Variants in PEPD observed in about 807,000 individuals in gnomAD.
PEPD encodes xaa-Pro dipeptidase.
PEPD carries 53 observed loss-of-function variants against 60.7 expected under a neutral mutation model. The observed-to-expected ratio is 0.87, with a 90% CI of 0.70 to 1.10. The LOEUF is 1.10. PEPD is among the 50% of genes least tolerant of loss of function. The pLI is 0.00. For synonymous variants in PEPD, 267 were observed against 284.1 expected (o/e 0.94, Z 0.60); for missense variants, 711 against 711.9 (o/e 1.00, Z 0.01).
chr19:33,442,536 T>TA lies in PEPD; in HGVS notation c.671+20458dup, dbSNP rs770070278. On this transcript the variant is annotated intron_variant, in intron 9 of 14. Transcript: ENST00000244137. The stretch of plus-strand genomic sequence containing the variant: ...TAACACAGTGAAAACCCATCTCTAC[T>TA]AAAAATAAAATAAAAAAAAAAAATT... Among the ~76,000 whole-genome samples, 271 of 116,654 alleles carry TA rather than the reference T, an allele frequency of 2.3e-3. 2 individuals carry two copies. The highest frequency in any genetic ancestry group is 0.011 in the Middle Eastern group (2 of 178). 76.5% of individuals were successfully genotyped at this position (116,654 alleles called of 152,430 possible).
In PEPD at chr19:33,394,419, G is replaced by A. The variant is rs187344544; in HGVS notation, c.968-2940C>T. 1.2e-4 allele frequency among the ~76,000 whole-genome samples: 19 copies of A among 152,354 alleles called. No homozygotes were observed. The East Asian group carries it at 2.1e-3, about 17-fold the overall frequency. ...CCGGCCCGGGGGTCCCCTTGGCGCC[G>A]CTGGTCTTCCTTGCCTGTGCACCCT... On this transcript the variant is annotated intron_variant, in intron 12 of 14. Transcript: ENST00000244137.
chr19:33,507,907 G>A (rs1236391199), intron 3 of PEPD, among the ~76,000 whole-genome samples: 1 of 152,112 alleles, frequency 6.6e-6, no homozygotes, highest in African/African-American at 2.4e-5. Flanking sequence ...GCTGTGGTAG[G>A]GAGCCAGGAC....
At chr19:33,410,710 G>A (rs1968744815) in intron 11 of PEPD, among the ~76,000 whole-genome samples, 1 of 152,210 alleles carries the variant, frequency 6.6e-6, no homozygotes, top group Non-Finnish European at 1.5e-5. Context: ...TTGTTCGGGT[G>A]CATCTGCCAT....
Position 33,387,267 on chromosome 19 carries a change from G to A in PEPD, c.*77C>T. ...GGGTGCCGTCTCTCGCTACTGGAGT[G>A]CTGACCAGCAGGCTGCCCATCACGA... is the stretch of plus-strand genomic sequence containing the variant. On this transcript the variant is annotated 3_prime_UTR_variant, in exon 15 of 15. Transcript: ENST00000244137. 6.4e-7 allele frequency: 1 copy of A among 1,561,938 alleles called. No homozygotes were observed. The highest frequency in any genetic ancestry group is 8.8e-7 in the Non-Finnish European group (1 of 1,139,138).
chr19:33,468,846 A>C (rs545585211), intron 7 of PEPD, among the ~76,000 whole-genome samples: 3 of 152,314 alleles, frequency 2.0e-5, no homozygotes, highest in Admixed American at 6.5e-5. Context: ...ATCATCATGA[A>C]GGTGTCTCTG....
chr19:33,401,338 C>T (rs971977386), intron 12 of PEPD, among the ~76,000 whole-genome samples: 25 of 152,356 alleles, frequency 1.6e-4, no homozygotes, highest in African/African-American at 5.5e-4. Flanking sequence ...GAGCGCTGAG[C>T]GGCACGTGAA....
intron 12 of PEPD, chr19:33,395,148 G>A (rs117160138): frequency 0.023 from 3,580 of 152,518 alleles, 67 homozygotes; most frequent in South Asian, 0.058. Context: ...CTCCAAGCCC[G>A]TTTTCCCAGA....
At chr19:33,437,114 G>A (rs1204963996) in intron 9 of PEPD, among the ~76,000 whole-genome samples, 4 of 152,104 alleles carry the variant, frequency 2.6e-5, no homozygotes, top group Admixed American at 6.6e-5. Flanking sequence ...CTGAGAACAC[G>A]GCCCAGGAGC....
intron 7 of PEPD, among the ~76,000 whole-genome samples, chr19:33,474,655 G>C (rs1483807269): frequency 6.6e-6 from 1 of 152,094 alleles, no homozygotes; most frequent in Admixed American, 6.5e-5. Context: ...TTGTACTCCA[G>C]CCTGGGTGAC....
chr19:33,431,590 G>C (rs1031118184), intron 9 of PEPD, among the ~76,000 whole-genome samples: 1 of 152,200 alleles, frequency 6.6e-6, no homozygotes, highest in East Asian at 1.9e-4. Flanking sequence ...CATCCTCGGA[G>C]ACACTCCCCT....
chr19:33,410,029 G>A (rs113941720), intron 11 of PEPD, among the ~76,000 whole-genome samples: 1 of 152,252 alleles, frequency 6.6e-6, no homozygotes, highest in Non-Finnish European at 1.5e-5. Flanking sequence ...GGCTACGCAG[G>A]GGGGACTGGG....
At chr19:33,422,835 T>TATCTATCTATCTATCTATCTATCC (rs748895413) in intron 9 of PEPD, among the ~76,000 whole-genome samples, 4 of 146,044 alleles carry the variant, frequency 2.7e-5, no homozygotes, top group South Asian at 2.1e-4. Flanking sequence ...TCTATCTATC[T>TATCTATCTATCTATCTATCTATCC]ATCCATCTAT....
chr19:33,391,861 C>T (rs1968229984), intron 12 of PEPD, among the ~76,000 whole-genome samples: 1 of 152,232 alleles, frequency 6.6e-6, no homozygotes. Context: ...GAGAAACATG[C>T]ACGTCTCCCC....
At position 33,387,361 on chromosome 19, in the gene PEPD, AG is replaced by A; in HGVS notation, c.1464del (p.Phe489SerfsTer49). The A allele has an allele frequency of 6.2e-7, 1 of 1,613,994 alleles. No homozygotes were observed. The highest frequency in any genetic ancestry group is 8.5e-7 in the Non-Finnish European group (1 of 1,180,038). On this transcript the variant is annotated frameshift_variant, in exon 15 of 15. Transcript: ENST00000244137. LOFTEE classifies it high-confidence loss of function. ...CMAGCDKAFT[P>X]FSGPK is the part of the protein sequence containing the mutation. The stretch of plus-strand genomic sequence containing the variant: ...GGCTGGCTCTACTTGGGGCCAGAGA[AG>A]GGGGTAAAGGCCTTGTCACAGCCTG...
intron 4 of PEPD, among the ~76,000 whole-genome samples, chr19:33,496,098 C>T (rs545613307): frequency 2.6e-4 from 39 of 152,266 alleles, no homozygotes; most frequent in Non-Finnish European, 4.4e-4. Flanking sequence ...CATGCCGGCC[C>T]TAGGTGTGTT....
chr19:33,453,584 T>C (rs1487172679), intron 9 of PEPD, among the ~76,000 whole-genome samples: 1 of 152,236 alleles, frequency 6.6e-6, no homozygotes, highest in Non-Finnish European at 1.5e-5. Context: ...GTACATTGAT[T>C]TTTTGAGACA....
chr19:33,411,406 T>G lies in PEPD; in HGVS notation c.818+266A>C, dbSNP rs543673006. On this transcript the variant is annotated intron_variant, in intron 11 of 14. Coordinates refer to ENST00000244137, the MANE Select transcript of PEPD (RefSeq NM_000285.4). ...TCAGGCCCCCTCAGAGAGCCCACAA[T>G]CCCATGGCCCACAGGAAACCATCGG... is the stretch of plus-strand genomic sequence containing the variant. Among the ~76,000 whole-genome samples, 16 of 152,108 alleles carry G rather than the reference T, an allele frequency of 1.1e-4. No homozygotes were observed. The South Asian group carries it at 2.9e-3, about 28-fold the overall frequency.
chr19:33,500,076 G>A (rs1008851179), intron 4 of PEPD, among the ~76,000 whole-genome samples: 2 of 152,252 alleles, frequency 1.3e-5, no homozygotes, highest in Non-Finnish European at 2.9e-5. Context: ...TCTCTGTCTG[G>A]GGAAATGTGG....
chr19:33,433,613 G>A (rs1318499428), intron 9 of PEPD, among the ~76,000 whole-genome samples: 1 of 152,146 alleles, frequency 6.6e-6, no homozygotes, highest in Non-Finnish European at 1.5e-5. Flanking sequence ...ATTAAGAAGC[G>A]CTGTCCCTTT....
Sources: allele counts gnomAD v4.1 joint callset (sites outside exome capture counted in the v4.1 genomes callset), GRCh38; gene constraint gnomAD v4.1.1; transcripts MANE v1.5; gene names NCBI Gene and HGNC (gene_info 2026-07-23, HGNC 2026-07-21).